Variants in PRKD1 observed in about 807,000 individuals in gnomAD.
PRKD1 encodes the protein serine/threonine-protein kinase D1.
Under a neutral mutation model 95.9 loss-of-function variants are expected in PRKD1, and 63 were observed. The ratio of observed to expected loss-of-function variants is 0.66; its 90% CI spans 0.54 to 0.81. PRKD1 has a LOEUF of 0.81. Ranked by LOEUF, PRKD1 falls within the 30% of genes least tolerant of loss-of-function variation. PRKD1 has a pLI of 0.00. For missense variants in PRKD1, 1,048 were observed against 1,165.3 expected, an observed-to-expected ratio of 0.90 and a Z score of 1.47; for synonymous variants, 425 against 423.1, an observed-to-expected ratio of 1.00 and a Z score of -0.05.
Position 29,632,900 on chromosome 14 carries a change from A to G in PRKD1, c.1361T>C (p.Phe454Ser). Residue 454 changes from phenylalanine to serine, a missense_variant, in exon 9 of 18, where the codon TTT becomes TCT. Transcript: ENST00000331968. ...WRLDSKCITL[F>S]QNDTGSRYYK... ...GTACCTGCTTCCTGTGTCATTCTGA[A>G]AGAGGGTAATACATTTGCTATCCAA... 1 of 1,613,714 alleles carries G rather than the reference A, an allele frequency of 6.2e-7. No homozygotes were observed. The highest frequency in any genetic ancestry group is 8.5e-7 in the Non-Finnish European group (1 of 1,179,618).
intron 2 of PRKD1, among the ~76,000 whole-genome samples, chr14:29,708,161 G>GA (rs1885176902): frequency 3.9e-5 from 6 of 152,042 alleles, no homozygotes; most frequent in African/African-American, 1.4e-4. Context: ...ACATTAGGAA[G>GA]GACAATTTAA....
chr14:29,584,106 C>T (rs937708520), intron 16 of PRKD1, among the ~76,000 whole-genome samples: 7 of 152,098 alleles, frequency 4.6e-5, no homozygotes, highest in Non-Finnish European at 7.4e-5. Flanking sequence ...ATGGTATATG[C>T]GGGTGCAGAG....
intron 13 of PRKD1, among the ~76,000 whole-genome samples, chr14:29,622,411 AT>A (rs34017060): frequency 0.57 from 63,477 of 110,754 alleles, 16,566 homozygotes; most frequent in East Asian, 0.72. Context: ...TGTTTTTATT[AT>A]TTTTTTTTTT....
chr14:29,679,290 A>G (rs1280957612), intron 2 of PRKD1, among the ~76,000 whole-genome samples: 1 of 152,198 alleles, frequency 6.6e-6, no homozygotes, highest in Admixed American at 6.5e-5. Flanking sequence ...AAAATGTTCC[A>G]AAAGGTGATT....
chr14:29,877,725 AC>A (rs1222020475), intron 1 of PRKD1, among the ~76,000 whole-genome samples: 1 of 152,216 alleles, frequency 6.6e-6, no homozygotes, highest in Non-Finnish European at 1.5e-5. Context: ...TTATCCCAGC[AC>A]CATTTATTGG....
intron 1 of PRKD1, among the ~76,000 whole-genome samples, chr14:29,909,924 A>C (rs1250600302): frequency 6.6e-6 from 1 of 152,154 alleles, no homozygotes; most frequent in East Asian, 1.9e-4. Context: ...GGGATTGTAA[A>C]TGCACCAATC....
At chr14:29,864,214 A>G (rs1200775273) in intron 1 of PRKD1, among the ~76,000 whole-genome samples, 3 of 152,170 alleles carry the variant, frequency 2.0e-5, no homozygotes, top group African/African-American at 7.2e-5. Context: ...CAACCAATAT[A>G]ACACAGTCAG....
At chr14:29,648,690 T>C (rs756835794) in intron 4 of PRKD1, among the ~76,000 whole-genome samples, 2 of 151,940 alleles carry the variant, frequency 1.3e-5, no homozygotes, top group Non-Finnish European at 2.9e-5. Context: ...AGTCTCGCTC[T>C]GTTGCCCAGG....
chr14:29,656,303 A>C (rs910573302), intron 4 of PRKD1, among the ~76,000 whole-genome samples: 1 of 152,250 alleles, frequency 6.6e-6, no homozygotes, highest in Non-Finnish European at 1.5e-5. Context: ...ACAGGACAAA[A>C]GCAAGGAAAA....
chr14:29,660,504 G>A (rs1426476187), intron 4 of PRKD1, among the ~76,000 whole-genome samples: 1 of 152,102 alleles, frequency 6.6e-6, no homozygotes, highest in African/African-American at 2.4e-5. Flanking sequence ...GCTCTTGGGT[G>A]CCTTCAAATA....
intron 1 of PRKD1, among the ~76,000 whole-genome samples, chr14:29,835,426 T>C (rs1299214031): frequency 6.6e-6 from 1 of 152,244 alleles, no homozygotes; most frequent in African/African-American, 2.4e-5. Context: ...CTAGAGAAAT[T>C]AGTTATTATT....
Position 29,927,299 on chromosome 14 carries a change from A to C in PRKD1, c.214T>G (p.Tyr72Asp). 1 of 1,547,036 alleles carries C rather than the reference A, an allele frequency of 6.5e-7. No homozygotes were observed. The highest frequency in any genetic ancestry group is 8.7e-7 in the Non-Finnish European group (1 of 1,148,346). The change falls in exon 1 of 18, where the codon TAC becomes GAC. Residue 72 changes from tyrosine to aspartate, a missense_variant. Coordinates refer to ENST00000331968, the MANE Select transcript of PRKD1 (RefSeq NM_002742.3). The part of the protein sequence containing the change: ...VLLLQDSSGD[Y>D]SLAHVREMAC... ...ATCTCGCGGACGTGCGCCAGGCTGT[A>C]GTCCCCGGACGAGTCCTGCAGCAGC...
intron 1 of PRKD1, among the ~76,000 whole-genome samples, chr14:29,741,794 C>A (rs1446387620): frequency 6.6e-6 from 1 of 152,066 alleles, no homozygotes; most frequent in Admixed American, 6.6e-5. Context: ...CACTTATATT[C>A]ATTATATCTA....
intron 1 of PRKD1, among the ~76,000 whole-genome samples, chr14:29,909,681 T>G (rs968026141): frequency 6.6e-6 from 1 of 152,164 alleles, no homozygotes; most frequent in African/African-American, 2.4e-5. Flanking sequence ...GCTCAAGGTT[T>G]GTAAATACAC....
At chr14:29,767,776 C>T (rs1335631541) in intron 1 of PRKD1, among the ~76,000 whole-genome samples, 1 of 152,196 alleles carries the variant, frequency 6.6e-6, no homozygotes, top group East Asian at 1.9e-4. Flanking sequence ...CTCTCAGGCA[C>T]AACTATATTT....
intron 1 of PRKD1, among the ~76,000 whole-genome samples, chr14:29,909,398 C>T (rs1419726143): frequency 6.7e-6 from 1 of 150,230 alleles, no homozygotes; most frequent in Non-Finnish European, 1.5e-5. Flanking sequence ...GGAGTGTGGG[C>T]ACACGGTGCA....
intron 1 of PRKD1, among the ~76,000 whole-genome samples, chr14:29,864,592 A>G (rs1010149363): frequency 6.6e-6 from 1 of 152,162 alleles, no homozygotes; most frequent in African/African-American, 2.4e-5. Context: ...ATCACAAAGA[A>G]TAGACATTCT....
At chr14:29,908,408 C>G (rs1341065518) in intron 1 of PRKD1, among the ~76,000 whole-genome samples, 3 of 152,154 alleles carry the variant, frequency 2.0e-5, no homozygotes, top group Non-Finnish European at 4.4e-5. Flanking sequence ...ATTCTTCTGC[C>G]TCAGCCTCCC....
At position 29,632,955 on chromosome 14, in the gene PRKD1, G is replaced by T. The variant is rs768683823; in HGVS notation, c.1315-9C>A. 1 of 1,608,240 alleles carries T rather than the reference G, an allele frequency of 6.2e-7. No homozygotes were observed. Among genetic ancestry groups the T allele is most frequent in the Admixed American group, 1.7e-5 (1 of 59,976 alleles). ...CAATAGTGCCGTTTCCGCTGAAACA[G>T]AAGTTAGATCCAAGATCTTTTTAAA... is the stretch of plus-strand genomic sequence containing the variant. On this transcript the variant is annotated splice_polypyrimidine_tract_variant and intron_variant, in intron 8 of 17. Coordinates refer to ENST00000331968, the MANE Select transcript of PRKD1 (RefSeq NM_002742.3).
Sources: allele counts gnomAD v4.1 joint callset (sites outside exome capture counted in the v4.1 genomes callset), GRCh38; gene constraint gnomAD v4.1.1; transcripts MANE v1.5; gene names NCBI Gene and HGNC (gene_info 2026-07-23, HGNC 2026-07-21).